Variants in MYO1E observed in about 807,000 individuals in gnomAD.
MYO1E encodes myosin IE.
A neutral mutation model predicts 151.1 loss-of-function variants in MYO1E; 68 were observed. The ratio of observed to expected loss-of-function variants is 0.45; its 90% CI spans 0.37 to 0.55. The LOEUF (loss-of-function observed/expected upper bound fraction) is 0.55. MYO1E is among the 20% of genes least tolerant of loss of function. MYO1E has a pLI of 0.00. For missense variants in MYO1E, 1,363 were observed against 1,389.3 expected (o/e 0.98, Z 0.30); for synonymous variants, 601 against 501.7 (o/e 1.20, Z -2.64).
intron 9 of MYO1E, among the ~76,000 whole-genome samples, chr15:59,221,906 T>TA (rs1291259305): frequency 6.6e-6 from 1 of 152,228 alleles, no homozygotes; most frequent in African/African-American, 2.4e-5. Flanking sequence ...CCAACACTGT[T>TA]ACAATTAAAA....
intron 26 of MYO1E, among the ~76,000 whole-genome samples, chr15:59,151,272 C>G (rs549148258): frequency 6.6e-6 from 1 of 150,774 alleles, no homozygotes; most frequent in Admixed American, 6.6e-5. Context: ...CAAAAAAAAA[C>G]CAAAAAAATT....
At chr15:59,278,944 T>C (rs80213933) in intron 1 of MYO1E, among the ~76,000 whole-genome samples, 2,117 of 152,188 alleles carry the variant, frequency 0.014, 49 homozygotes, top group African/African-American at 0.046. Flanking sequence ...CCATGTTGCC[T>C]CTGCTTGGAG....
At chr15:59,182,706 C>T (rs2079671034) in intron 18 of MYO1E, among the ~76,000 whole-genome samples, 3 of 152,170 alleles carry the variant, frequency 2.0e-5, no homozygotes. Flanking sequence ...AAAATGCCTA[C>T]TCAGAGTGCG....
At chr15:59,330,390 A>T (rs1278303273) in intron 1 of MYO1E, among the ~76,000 whole-genome samples, 2 of 152,316 alleles carry the variant, frequency 1.3e-5, no homozygotes, top group Non-Finnish European at 1.5e-5. Flanking sequence ...CATTGCTGAC[A>T]TTAGGTCGGT....
chr15:59,142,320 G>A (rs562523258), intron 26 of MYO1E, among the ~76,000 whole-genome samples: 1 of 152,244 alleles, frequency 6.6e-6, no homozygotes, highest in Non-Finnish European at 1.5e-5. Flanking sequence ...CAAGGTCTCT[G>A]GAGCCCAAGT....
intron 4 of MYO1E, among the ~76,000 whole-genome samples, chr15:59,245,163 A>G (rs1285932831): frequency 6.6e-6 from 1 of 152,212 alleles, no homozygotes; most frequent in East Asian, 1.9e-4. Context: ...GAGCCCTGAA[A>G]AGCGTCCCCA....
Position 59,286,583 on chromosome 15 carries a change from CA to C in MYO1E, c.4-14135del, listed in dbSNP as rs149975388. ...AGCGGGGGAAGGGTCTGGATGTGAT[CA>C]GGGGTGTCTTGATGTGGGCACAGCC... is the stretch of plus-strand genomic sequence containing the variant. On this transcript the variant is annotated intron_variant, in intron 1 of 27. Coordinates refer to ENST00000288235, the MANE Select transcript of MYO1E (RefSeq NM_004998.4). Among the ~76,000 whole-genome samples, 1,427 of 152,162 alleles carry C rather than the reference CA, an allele frequency of 9.4e-3. 23 individuals carry two copies. Among genetic ancestry groups the C allele is most frequent in the African/African-American group, 0.033 (1,362 of 41,524 alleles).
At chr15:59,331,781 G>A (rs2080699658) in intron 1 of MYO1E, among the ~76,000 whole-genome samples, 3 of 152,148 alleles carry the variant, frequency 2.0e-5, no homozygotes, top group Non-Finnish European at 4.4e-5. Context: ...TTTTCACCTT[G>A]ATGAAAATTA....
chr15:59,207,078 C>T (rs771189342), intron 14 of MYO1E: 11 of 1,614,096 alleles, frequency 6.8e-6, no homozygotes, highest in Admixed American at 1.7e-5. Flanking sequence ...TCTTCACCCC[C>T]GTGAGCAAGA....
chr15:59,214,425 G>T, intron 11 of MYO1E, 111 bp from the exon 12 acceptor site: 1 of 914,822 alleles, frequency 1.1e-6, no homozygotes, highest in East Asian at 2.5e-5. Flanking sequence ...TAGAAATGTT[G>T]GATGCATCAA....
intron 12 of MYO1E, 51 bp downstream of exon 12, chr15:59,214,176 TA>T: frequency 6.8e-7 from 1 of 1,460,690 alleles, no homozygotes; most frequent in Non-Finnish European, 9.4e-7. Context: ...TATACCCTCT[TA>T]AACAAAATAA....
intron 12 of MYO1E, among the ~76,000 whole-genome samples, chr15:59,211,468 T>C (rs559706272): frequency 1.3e-5 from 2 of 151,988 alleles, no homozygotes; most frequent in Admixed American, 1.3e-4. Context: ...GTGATTTCAA[T>C]CAATCCCATG....
chr15:59,179,897 G>A lies in MYO1E; in HGVS notation c.1905-1360C>T, dbSNP rs545684662. Among the ~76,000 whole-genome samples the A allele has an allele frequency of 1.2e-4, 18 of 152,344 alleles. No individual in the cohort carries two copies. In the South Asian group the frequency reaches 3.7e-3, roughly 32 times the overall value. ...TGTGGGTGTGAAGTTGGAGGGCGTG[G>A]CCCACGTGAGAGCACATCCAGGGCC... On this transcript the variant is annotated intron_variant, in intron 18 of 27. Coordinates refer to ENST00000288235, the MANE Select transcript of MYO1E (RefSeq NM_004998.4).
intron 1 of MYO1E, among the ~76,000 whole-genome samples, chr15:59,273,960 T>G (rs1244845901): frequency 2.0e-5 from 3 of 151,116 alleles, no homozygotes; most frequent in Non-Finnish European, 3.0e-5. Context: ...AAAACTAGGA[T>G]GAAAAAAGGG....
At chr15:59,237,016 A>G (rs2080071148) in intron 4 of MYO1E, among the ~76,000 whole-genome samples, 1 of 152,254 alleles carries the variant, frequency 6.6e-6, no homozygotes, top group Non-Finnish European at 1.5e-5. Flanking sequence ...ACTGACATGA[A>G]GACTGTAAAC....
chr15:59,243,004 T>C (rs369745738), intron 4 of MYO1E, among the ~76,000 whole-genome samples: 1 of 151,188 alleles, frequency 6.6e-6, no homozygotes, highest in South Asian at 2.1e-4. Context: ...TGTGGCTTCA[T>C]GGGGGCCAAC....
intron 26 of MYO1E, among the ~76,000 whole-genome samples, chr15:59,150,465 G>T (rs2079469009): frequency 6.6e-6 from 1 of 152,216 alleles, no homozygotes; most frequent in African/African-American, 2.4e-5. Flanking sequence ...TGCAAAGTAG[G>T]CTGGAAAGAT....
chr15:59,371,934 C>A (rs1264347448), intron 1 of MYO1E, among the ~76,000 whole-genome samples: 1 of 150,512 alleles, frequency 6.6e-6, no homozygotes, highest in Admixed American at 6.6e-5. Flanking sequence ...CGGCCCGCGC[C>A]GCCCCTCGCC....
chr15:59,369,254 A>T (rs1472864279), intron 1 of MYO1E, among the ~76,000 whole-genome samples: 2 of 152,190 alleles, frequency 1.3e-5, no homozygotes, highest in Non-Finnish European at 2.9e-5. Context: ...CTTATGTGTC[A>T]TATCTATAAT....
Sources: gnomAD v4.1 joint callset for allele counts (sites outside exome capture counted in the v4.1 genomes callset) on GRCh38, gnomAD v4.1.1 for gene constraint, MANE v1.5 for transcripts, NCBI Gene and HGNC (gene_info 2026-07-23, HGNC 2026-07-21) for gene names.